The following TRIM66 variants were observed in gnomAD, a reference collection of about 807,000 sequenced individuals.
TRIM66 encodes tripartite motif-containing protein 66.
A neutral mutation model predicts 148.2 loss-of-function variants in TRIM66; 99 were observed. That is an observed-to-expected ratio of 0.67 (90% CI 0.57 to 0.79). The LOEUF is 0.79. TRIM66 is among the 30% of genes least tolerant of loss of function. TRIM66 has a pLI of 0.00. For synonymous variants in TRIM66, 616 were observed against 635.9 expected, an observed-to-expected ratio of 0.97 and a Z score of 0.47; for missense variants, 1,666 against 1,697.9, an observed-to-expected ratio of 0.98 and a Z score of 0.33.
At chr11:8,652,409 C>T (rs566077074) in intron 6 of TRIM66, among the ~76,000 whole-genome samples, 62 of 152,236 alleles carry the variant, frequency 4.1e-4, no homozygotes, top group Middle Eastern at 3.4e-3. Flanking sequence ...TCCCTGCCCG[C>T]TCATCTAGGA....
At chr11:8,627,814 A>C (rs572541504) in intron 15 of TRIM66, among the ~76,000 whole-genome samples, 1 of 152,266 alleles carries the variant, frequency 6.6e-6, no homozygotes. Context: ...ATGTGCATCC[A>C]TGAATAGTAA....
chr11:8,679,868 GAGA>G (rs1225878308), intron 2 of TRIM66, 30 bp downstream of exon 2: 1 of 152,410 alleles, frequency 6.6e-6, no homozygotes, highest in Non-Finnish European at 1.5e-5. Flanking sequence ...GATCTGGAGA[GAGA>G]AGACTAAAGG....
Position 8,671,839 on chromosome 11 carries a change from C to T in TRIM66, c.287G>A (p.Gly96Asp), listed in dbSNP as rs542326169. The T allele has an allele frequency of 1.6e-4, 246 of 1,531,044 alleles. No individual in the cohort carries two copies. The highest frequency in any genetic ancestry group is 2.1e-4 in the Non-Finnish European group (242 of 1,142,370). The allele number at this position is 1,531,044 out of a possible 1,614,324, so 94.8% of individuals were successfully genotyped here. The change falls in exon 6 of 25, where the codon GGC becomes GAC. Residue 96 changes from glycine to aspartate, a missense_variant. Physicochemically the swap from Gly to Asp is moderately conservative, Grantham distance 94. Around this residue, in one of 3 missense-constraint regions of TRIM66, gnomAD observed 1,431 missense variants for 1,412.4 expected, o/e 1.01. Transcript: ENST00000646038. ...QHLLRKDCFQGLIQELGQIAK... is the reference protein window; with the variant it reads ...QHLLRKDCFQDLIQELGQIAK... ...AATCTGCCCTAGCTCCTGTATCAAG[C>T]CCTGGAAGCAGTCCTTACGGAGCAA... is the stretch of plus-strand genomic sequence containing the variant.
chr11:8,664,971 T>G (rs1317628811), intron 6 of TRIM66, among the ~76,000 whole-genome samples: 1 of 152,098 alleles, frequency 6.6e-6, no homozygotes, highest in Non-Finnish European at 1.5e-5. Context: ...GCCCAGCAAG[T>G]AGGAGAAACA....
At chr11:8,660,280 T>A (rs1342148635) in intron 6 of TRIM66, among the ~76,000 whole-genome samples, 1 of 152,128 alleles carries the variant, frequency 6.6e-6, no homozygotes, top group Non-Finnish European at 1.5e-5. Context: ...ATTAACTCCC[T>A]CCTGTTTCTA....
intron 6 of TRIM66, among the ~76,000 whole-genome samples, chr11:8,669,746 T>G (rs1592201439): frequency 6.6e-6 from 1 of 151,802 alleles, no homozygotes. Flanking sequence ...GGGGCCAGGG[T>G]CAGAGATTGT....
At chr11:8,660,012 G>T (rs964494663) in intron 6 of TRIM66, among the ~76,000 whole-genome samples, 2 of 152,048 alleles carry the variant, frequency 1.3e-5, no homozygotes, top group African/African-American at 4.8e-5. Context: ...CAAGCAGCTG[G>T]GACTACAGGC....
chr11:8,623,397 A>G (rs1438300206), intron 17 of TRIM66, among the ~76,000 whole-genome samples: 1 of 152,254 alleles, frequency 6.6e-6, no homozygotes, highest in Non-Finnish European at 1.5e-5. Context: ...GCATCCATTC[A>G]GCACCAGGCA....
chr11:8,639,634 T>C (rs375248943), intron 14 of TRIM66, among the ~76,000 whole-genome samples: 11 of 152,218 alleles, frequency 7.2e-5, no homozygotes, highest in African/African-American at 1.9e-4. Flanking sequence ...CTCCCACTTA[T>C]ATACCTATAA....
chr11:8,682,434 T>A, intron 1 of TRIM66, 167 bp downstream of exon 1: 1 of 309,512 alleles, frequency 3.2e-6, no homozygotes, highest in Non-Finnish European at 6.1e-6. Context: ...GCGCATTTGG[T>A]GAGGAGCTCA....
chr11:8,673,065 G>A (rs1056939217), intron 4 of TRIM66, among the ~76,000 whole-genome samples: 8 of 150,370 alleles, frequency 5.3e-5, no homozygotes, highest in South Asian at 4.2e-4. Context: ...TCAGCCTCCC[G>A]AGTAGCTGGG....
At chr11:8,625,541 TACACACACACACAG>T (rs2034755449) in intron 15 of TRIM66, among the ~76,000 whole-genome samples, 1 of 149,026 alleles carries the variant, frequency 6.7e-6, no homozygotes, top group Non-Finnish European at 1.5e-5. Flanking sequence ...CTGAGGCATG[TACACACACACACAG>T]ACACACACAC....
At chr11:8,618,336 C>T (rs2033867877) in intron 24 of TRIM66, among the ~76,000 whole-genome samples, 1 of 152,192 alleles carries the variant, frequency 6.6e-6, no homozygotes, top group Admixed American at 6.5e-5. Flanking sequence ...TCCTTCCTTA[C>T]CTACACCAAG....
intron 6 of TRIM66, among the ~76,000 whole-genome samples, chr11:8,654,745 A>G (rs926863474): frequency 1.3e-5 from 2 of 152,376 alleles, no homozygotes; most frequent in African/African-American, 2.4e-5. Flanking sequence ...CATCAATGTT[A>G]TAACAAAAGG....
Position 8,625,008 on chromosome 11 carries a change from T to C in TRIM66, c.2531A>G (p.His844Arg). 1 of 1,551,622 alleles carries C rather than the reference T, an allele frequency of 6.4e-7. No homozygotes were observed. The highest frequency in any genetic ancestry group is 2.4e-5 in the East Asian group (1 of 40,910). Residue 844 changes from histidine to arginine, a missense_variant, in exon 16 of 25, where the codon CAC (histidine) becomes CGC (arginine). Around this residue, in one of 3 missense-constraint regions of TRIM66, gnomAD observed 1,431 missense variants for 1,412.4 expected, o/e 1.01. Transcript: ENST00000646038. ...CACAAGGCTGGGCACAGTCTGTAGGTGACTGGTTGTCAGGCTGGGCATGGC... is the reference window on the plus strand; with the variant it reads ...CACAAGGCTGGGCACAGTCTGTAGGCGACTGGTTGTCAGGCTGGGCATGGC... ...NQAMPSLTTS[H>R]LQTVPSLVHS...
At position 8,640,670 on chromosome 11, in the gene TRIM66, G is replaced by C. The variant is rs1243696642; in HGVS notation, c.1705C>G (p.His569Asp). 6 of 1,551,548 alleles carry C rather than the reference G, an allele frequency of 3.9e-6. No homozygotes were observed. The African/African-American group carries it at 8.2e-5, about 21-fold the overall frequency. ...GGTGTCTGTAAGGTGGGCTGGGCAT[G>C]GGCTCCTTGCTGAACATCCTGTGGG... Reference protein sequence around the residue: ...VPPQDVQQGAHAQPTLQTPSI... With the variant: ...VPPQDVQQGADAQPTLQTPSI... Residue 569 changes from histidine (H) to aspartate (D), a missense_variant, in exon 14 of 25, where the codon CAT (histidine) becomes GAT (aspartate). Physicochemically the swap from His to Asp is moderately conservative, Grantham distance 81 (BLOSUM62 -1). Around this residue, in one of 3 missense-constraint regions of TRIM66, gnomAD observed 1,431 missense variants for 1,412.4 expected, o/e 1.01. Transcript: ENST00000646038.
chr11:8,639,137 T>A (rs1156838763), intron 14 of TRIM66, among the ~76,000 whole-genome samples: 1 of 152,212 alleles, frequency 6.6e-6, no homozygotes, highest in Middle Eastern at 3.2e-3. Flanking sequence ...TTCTCTGCCA[T>A]CACATGGATT....
At chr11:8,631,141 C>T (rs1160654218) in intron 15 of TRIM66, among the ~76,000 whole-genome samples, 1 of 152,182 alleles carries the variant, frequency 6.6e-6, no homozygotes, top group Non-Finnish European at 1.5e-5. Flanking sequence ...CAAGCTCATA[C>T]AGGTCCAAGA....
At chr11:8,682,790 T>G (rs757521980), upstream of TRIM66, 14 of 1,613,368 alleles carry the variant, frequency 8.7e-6, no homozygotes, top group African/African-American at 6.7e-5. Context: ...GCGAAGGCCT[T>G]CCTTTTTCGT....
Sources: gnomAD v4.1 joint callset for allele counts (sites outside exome capture counted in the v4.1 genomes callset) on GRCh38, gnomAD v4.1.1 for gene constraint, gnomAD v4.1.1 regional missense constraint, MANE v1.5 for transcripts, NCBI Gene and HGNC (gene_info 2026-07-23, HGNC 2026-07-21) for gene names.